The following SMURF1 variants were observed in gnomAD, a reference collection of about 807,000 sequenced individuals.
SMURF1 encodes E3 ubiquitin-protein ligase SMURF1.
Under a neutral mutation model 98.0 loss-of-function variants are expected in SMURF1, and 44 were observed. That is an observed-to-expected ratio of 0.45 (90% CI 0.35 to 0.58). SMURF1 has a LOEUF of 0.58. SMURF1 is among the 20% of genes least tolerant of loss of function. The probability of loss-of-function intolerance (pLI) is 0.00; values close to 1 mark genes in which losing one functional copy is unlikely to be tolerated. For missense variants in SMURF1, 687 were observed against 938.4 expected, an observed-to-expected ratio of 0.73 and a Z score of 3.50; for synonymous variants, 396 against 374.9, an observed-to-expected ratio of 1.06 and a Z score of -0.65.
chr7:99,037,033 C>T (rs183861331), intron 15 of SMURF1, 34 bp downstream of exon 15: 506 of 1,612,440 alleles, frequency 3.1e-4, no homozygotes, highest in Middle Eastern at 8.0e-4. Flanking sequence ...GCCACAGGGA[C>T]GCCCTGGGTC....
At chr7:99,136,339 T>C (rs1250813769) in intron 1 of SMURF1, among the ~76,000 whole-genome samples, 2 of 152,244 alleles carry the variant, frequency 1.3e-5, no homozygotes, top group Admixed American at 6.5e-5. Flanking sequence ...GAAGGCTCTT[T>C]ATATATTAGG....
intron 11 of SMURF1, among the ~76,000 whole-genome samples, chr7:99,043,853 A>G (rs919370631): frequency 1.3e-5 from 2 of 152,180 alleles, no homozygotes; most frequent in Admixed American, 1.3e-4. Flanking sequence ...GGAGGACGCC[A>G]AGAAAGGGGA....
intron 1 of SMURF1, among the ~76,000 whole-genome samples, chr7:99,140,066 GAGA>G (rs1259854078): frequency 1.3e-5 from 2 of 152,264 alleles, no homozygotes; most frequent in African/African-American, 4.8e-5. Flanking sequence ...TATATCCTGT[GAGA>G]AGGAGGATCA....
Position 99,079,952 on chromosome 7 carries a change from C to G in SMURF1, c.56-18115G>C, listed in dbSNP as rs1294945406. Among the ~76,000 whole-genome samples the G allele has an allele frequency of 2.0e-5, 3 of 150,490 alleles. No homozygotes were observed. The East Asian group carries it at 5.8e-4, about 29-fold the overall frequency. On this transcript the variant is annotated intron_variant, in intron 1 of 17. Transcript: ENST00000361368. Reference sequence around the variant, plus strand: ...TGCAGGTTAATGAAAGGGGAAACAACTGTCAGTCAAACCAGAAGCCGGTTC... The same window carrying G: ...TGCAGGTTAATGAAAGGGGAAACAAGTGTCAGTCAAACCAGAAGCCGGTTC...
intron 1 of SMURF1, among the ~76,000 whole-genome samples, chr7:99,099,606 G>C (rs1293844386): frequency 1.3e-5 from 2 of 152,144 alleles, no homozygotes; most frequent in African/African-American, 2.4e-5. Context: ...TGTGGCAGCG[G>C]TGGGAGGTGG....
At position 99,037,660 on chromosome 7, in the gene SMURF1, C is replaced by T. The variant is rs76164103; in HGVS notation, c.1689-473G>A. The stretch of plus-strand genomic sequence containing the variant: ...CTAGTAGTACCAAACCTTGGCATCA[C>T]GTTAAAAATGACTCAGCACGTGCCC... On this transcript the variant is annotated intron_variant, in intron 14 of 17. Coordinates refer to ENST00000361368, the MANE Select transcript of SMURF1 (RefSeq NM_181349.3). Among the ~76,000 whole-genome samples the T allele has an allele frequency of 8.1e-3, 1,232 of 152,326 alleles. 10 individuals carry two copies. The highest frequency in any genetic ancestry group is 0.025 in the African/African-American group (1,059 of 41,574).
intron 17 of SMURF1, among the ~76,000 whole-genome samples, chr7:99,032,538 G>A (rs1344362749): frequency 2.6e-5 from 4 of 152,130 alleles, no homozygotes; most frequent in Admixed American, 1.3e-4. Flanking sequence ...GTGTGGTGGC[G>A]TGCGCCTGTA....
chr7:99,126,145 C>A (rs906496075), intron 1 of SMURF1, among the ~76,000 whole-genome samples: 1 of 152,176 alleles, frequency 6.6e-6, no homozygotes, highest in Non-Finnish European at 1.5e-5. Context: ...CAGTCTTTTT[C>A]AATACTCCTC....
At position 99,138,187 on chromosome 7, in the gene SMURF1, A is replaced by G. The variant is rs1584221986; in HGVS notation, c.55+5539T>C. ...TTTTGAAATTATAAAAAATTGATCC[A>G]AATAAGCATCCTAAAAGTTAGCTGT... is the stretch of plus-strand genomic sequence containing the variant. On this transcript the variant is annotated intron_variant, in intron 1 of 17. Transcript: ENST00000361368. 2.0e-5 allele frequency among the ~76,000 whole-genome samples: 3 copies of G among 152,236 alleles called. No homozygotes were observed. In the East Asian group the frequency reaches 5.8e-4, roughly 29 times the overall value.
intron 15 of SMURF1, chr7:99,036,067 G>C (rs1016943815): frequency 1.2e-5 from 4 of 340,058 alleles, no homozygotes; most frequent in Admixed American, 4.3e-5. Flanking sequence ...GCACGTCCCA[G>C]GGTCTCTCCA....
intron 1 of SMURF1, among the ~76,000 whole-genome samples, chr7:99,067,941 G>A (rs73145635): frequency 0.03 from 4,601 of 152,226 alleles, 103 homozygotes; most frequent in South Asian, 0.057. Flanking sequence ...GCGACAGAAC[G>A]AGACTATCCC....
At chr7:99,124,717 C>T (rs1323217211) in intron 1 of SMURF1, among the ~76,000 whole-genome samples, 2 of 151,494 alleles carry the variant, frequency 1.3e-5, no homozygotes, top group African/African-American at 4.8e-5. Flanking sequence ...CAGTTGGGAT[C>T]CAACTAGTAC....
intron 14 of SMURF1, among the ~76,000 whole-genome samples, chr7:99,037,963 T>C (rs1795213247): frequency 6.6e-6 from 1 of 152,174 alleles, no homozygotes; most frequent in Non-Finnish European, 1.5e-5. Context: ...CGTGCCCACA[T>C]AGTTCTCAGC....
rs11458541 is a variant in SMURF1 at position 99,108,611 on chromosome 7, CAAAAA to C, written c.55+35110_55+35114del. ...TGGGCAATAGAGAGAAACTCTGTCTCAAAAAAAAAAAAAAAAAAAAAAAAGAAAGA... is the reference window on the plus strand; with the variant it reads ...TGGGCAATAGAGAGAAACTCTGTCTCAAAAAAAAAAAAAAAAAAAGAAAGA... On this transcript the variant is annotated intron_variant, in intron 1 of 17. Transcript: ENST00000361368. Among the ~76,000 whole-genome samples the C allele has an allele frequency of 9.6e-4, 56 of 58,584 alleles. 1 individual carries two copies. Among genetic ancestry groups the C allele is most frequent in the African/African-American group, 3.2e-3 (52 of 16,122 alleles). 38.4% of individuals were successfully genotyped at this position (58,584 alleles called of 152,430 possible).
At chr7:99,046,137 A>G (rs1180496680) in intron 10 of SMURF1, among the ~76,000 whole-genome samples, 1 of 152,148 alleles carries the variant, frequency 6.6e-6, no homozygotes, top group Non-Finnish European at 1.5e-5. Flanking sequence ...CACACTATAA[A>G]CAACTTGTGC....
chr7:99,096,854 ATTCTT>A (rs1337967787), intron 1 of SMURF1, among the ~76,000 whole-genome samples: 3 of 152,350 alleles, frequency 2.0e-5, no homozygotes, highest in Non-Finnish European at 2.9e-5. Context: ...CAGTGTACAT[ATTCTT>A]TTCAAGTACA....
Position 99,047,861 on chromosome 7 carries a change from C to T in SMURF1, c.975G>A (p.Glu325=). ...TGGGCAGTGGCAGCGGCTGGCTGGG[C>T]TCCTTGAGTTGGCACTGGTGACTTG... is the stretch of plus-strand genomic sequence containing the variant. ...HIMNHQCQLK[E]PSQPLPLPSE... is the part of the protein sequence containing the mutation. Residue 325 remains glutamate (E), a synonymous_variant, in exon 10 of 18, where the codon GAG becomes GAA. Coordinates refer to ENST00000361368, the MANE Select transcript of SMURF1 (RefSeq NM_181349.3). The T allele has an allele frequency of 1.9e-6, 3 of 1,613,966 alleles. No homozygotes were observed. The highest frequency in any genetic ancestry group is 2.5e-6 in the Non-Finnish European group (3 of 1,180,034).
intron 1 of SMURF1, among the ~76,000 whole-genome samples, chr7:99,119,210 T>C (rs1797537281): frequency 6.6e-6 from 1 of 152,034 alleles, no homozygotes; most frequent in African/African-American, 2.4e-5. Context: ...ATCTAGCGTA[T>C]CTTTGCTAAA....
At chr7:99,139,582 T>A (rs1798067218) in intron 1 of SMURF1, among the ~76,000 whole-genome samples, 1 of 152,184 alleles carries the variant, frequency 6.6e-6, no homozygotes, top group African/African-American at 2.4e-5. Context: ...GTGTACCAGA[T>A]AAGAACAAAG....
Sources: gnomAD v4.1 joint callset for allele counts (sites outside exome capture counted in the v4.1 genomes callset) on GRCh38, gnomAD v4.1.1 for gene constraint, MANE v1.5 for transcripts, NCBI Gene and HGNC (gene_info 2026-07-23, HGNC 2026-07-21) for gene names.